GRIA3: variants seen among roughly 807,000 people sequenced by gnomAD.
GRIA3 encodes the protein glutamate receptor 3.
Under a neutral mutation model 63.0 loss-of-function variants are expected in GRIA3, and 3 were observed. That is an observed-to-expected ratio of 0.05 (90% CI 0.02 to 0.12). GRIA3 has a LOEUF of 0.12. Among genes scored for constraint, GRIA3 ranks in the 10% least tolerant of loss-of-function variants. The pLI is 1.00. For synonymous variants in GRIA3, 274 were observed against 257.9 expected, an observed-to-expected ratio of 1.06 and a Z score of -0.60; for missense variants, 347 against 700.9, an observed-to-expected ratio of 0.50 and a Z score of 5.70.
intron 5 of GRIA3, chrX:123,358,948 A>G (rs2045151051): frequency 9.0e-6 from 1 of 111,601 alleles, no homozygotes; most frequent in Non-Finnish European, 1.9e-5. Context: ...CAAGGGCAGG[A>G]GGCAGTGTGG....
intron 4 of GRIA3, among the ~76,000 whole-genome samples, chrX:123,330,618 A>G (rs2044935143): frequency 8.9e-6 from 1 of 111,993 alleles, no homozygotes; most frequent in African/African-American, 3.2e-5. Flanking sequence ...CTGGTGAAAG[A>G]GAGCCAAGAG....
chrX:123,432,715 C>A (rs777359474), intron 12 of GRIA3, among the ~76,000 whole-genome samples: 57 of 112,374 alleles, frequency 5.1e-4, no homozygotes, highest in South Asian at 3.0e-3. Flanking sequence ...ACTAGTCACA[C>A]TGAAGTTTAC....
intron 11 of GRIA3, among the ~76,000 whole-genome samples, chrX:123,419,532 GCAGTCTACAGAGA>G (rs201832900): frequency 0.011 from 1,210 of 111,175 alleles, 22 homozygotes; most frequent in African/African-American, 0.038. Context: ...TCCAGAATAG[GCAGTCTACAGAGA>G]CAGAAAGTAC....
At chrX:123,228,980 C>T (rs1418563643) in intron 2 of GRIA3, among the ~76,000 whole-genome samples, 1 of 111,945 alleles carries the variant, frequency 8.9e-6, no homozygotes, top group African/African-American at 3.2e-5. Flanking sequence ...TTGCCACAGG[C>T]AACACACTTG....
chrX:123,214,597 A>G (rs1928114167), intron 2 of GRIA3, among the ~76,000 whole-genome samples: 1 of 111,813 alleles, frequency 8.9e-6, no homozygotes, highest in Non-Finnish European at 1.9e-5. Context: ...TTTACTGTAT[A>G]CCAGGCCCTA....
intron 7 of GRIA3, among the ~76,000 whole-genome samples, chrX:123,400,250 G>A (rs1448692705): frequency 1.8e-5 from 2 of 111,592 alleles, no homozygotes; most frequent in Non-Finnish European, 3.8e-5. Flanking sequence ...CTACTGCACA[G>A]AAAAGTTTCT....
intron 3 of GRIA3, among the ~76,000 whole-genome samples, chrX:123,300,026 C>T (rs2044711532): frequency 9.0e-6 from 1 of 111,437 alleles, no homozygotes; most frequent in Admixed American, 9.6e-5. Context: ...TGATGAATCA[C>T]ATTTATTGAT....
chrX:123,204,837 G>T (rs903617117), intron 2 of GRIA3, among the ~76,000 whole-genome samples: 1 of 111,968 alleles, frequency 8.9e-6, no homozygotes, highest in Non-Finnish European at 1.9e-5. Context: ...TCTTACACAG[G>T]TTGCCTAAAG....
chrX:123,320,463 T>C (rs779875583), intron 3 of GRIA3, among the ~76,000 whole-genome samples: 2 of 111,503 alleles, frequency 1.8e-5, no homozygotes, highest in African/African-American at 3.3e-5. Context: ...GCTGAGGGAA[T>C]TGAGCACAGG....
intron 11 of GRIA3, among the ~76,000 whole-genome samples, chrX:123,426,495 C>A (rs2045590500): frequency 8.9e-6 from 1 of 111,891 alleles, no homozygotes; most frequent in Non-Finnish European, 1.9e-5. Context: ...GTCTTGAAGC[C>A]TAGGCAAGGT....
At chrX:123,426,296 G>A (rs762411966) in intron 11 of GRIA3, among the ~76,000 whole-genome samples, 38 of 111,999 alleles carry the variant, frequency 3.4e-4, no homozygotes, top group African/African-American at 1.0e-3. Flanking sequence ...AGGAGATGAA[G>A]TTTCCTGAGT....
chrX:123,327,244 G>T (rs919903590), intron 4 of GRIA3, among the ~76,000 whole-genome samples: 1 of 111,766 alleles, frequency 8.9e-6, no homozygotes, highest in African/African-American at 3.3e-5. Context: ...TCATTATTAA[G>T]CTTGGATATT....
At chrX:123,267,221 T>G (rs2044493438) in intron 3 of GRIA3, among the ~76,000 whole-genome samples, 1 of 112,024 alleles carries the variant, frequency 8.9e-6, no homozygotes, top group South Asian at 3.7e-4. Flanking sequence ...GCAAAGGACA[T>G]GGCCTTGAGT....
intron 5 of GRIA3, among the ~76,000 whole-genome samples, chrX:123,370,766 G>GTA (rs112567011): frequency 5.5e-5 from 6 of 108,114 alleles, no homozygotes; most frequent in African/African-American, 1.0e-4. Context: ...GTGCATATGT[G>GTA]TATATATATA....
intron 10 of GRIA3, among the ~76,000 whole-genome samples, chrX:123,416,040 C>A (rs1406159641): frequency 8.9e-6 from 1 of 111,760 alleles, no homozygotes; most frequent in Non-Finnish European, 1.9e-5. Flanking sequence ...CCTCTCTGTG[C>A]TTTAGTTTCT....
At chrX:123,470,826 C>T (rs1449128163) in intron 13 of GRIA3, among the ~76,000 whole-genome samples, 1 of 112,274 alleles carries the variant, frequency 8.9e-6, no homozygotes, top group East Asian at 2.8e-4. Context: ...TATGAATCTG[C>T]ATCTGCCTTT....
intron 3 of GRIA3, among the ~76,000 whole-genome samples, chrX:123,288,644 T>C (rs2044636494): frequency 9.0e-6 from 1 of 110,877 alleles, no homozygotes; most frequent in South Asian, 3.8e-4. Flanking sequence ...GACATTTACG[T>C]GGCCAACAAA....
intron 10 of GRIA3, among the ~76,000 whole-genome samples, chrX:123,411,415 C>G (rs1450100758): frequency 8.9e-6 from 1 of 111,880 alleles, no homozygotes; most frequent in Non-Finnish European, 1.9e-5. Flanking sequence ...ATCAGATAAT[C>G]AGATGAAAAT....
intron 5 of GRIA3, among the ~76,000 whole-genome samples, chrX:123,370,469 T>C (rs1026213743): frequency 3.6e-5 from 4 of 111,923 alleles, no homozygotes; most frequent in Non-Finnish European, 7.5e-5. Context: ...GTAAGCCAAC[T>C]TCTGCCCAAT....
Sources: allele counts gnomAD v4.1 joint callset (sites outside exome capture counted in the v4.1 genomes callset), GRCh38; gene constraint gnomAD v4.1.1; transcripts MANE v1.5; gene names NCBI Gene and HGNC (gene_info 2026-07-23, HGNC 2026-07-21).